Variants in CLCN5 observed in about 807,000 individuals in gnomAD.
The protein encoded by CLCN5 is Cl-/H+ antiporter 5, also known as H(+)/Cl(-) exchange transporter 5.
Under a neutral mutation model 54.0 loss-of-function variants are expected in CLCN5, and 17 were observed. That is an observed-to-expected ratio of 0.31 (90% CI 0.22 to 0.47). The LOEUF (loss-of-function observed/expected upper bound fraction) is 0.47, where lower values mean the gene tolerates loss of function less well. Ranked by LOEUF, CLCN5 falls within the 20% of genes least tolerant of loss-of-function variation. CLCN5 has a pLI of 1.00. For missense variants in CLCN5, 448 were observed against 646.7 expected, an observed-to-expected ratio of 0.69 and a Z score of 3.33; for synonymous variants, 222 against 233.0, an observed-to-expected ratio of 0.95 and a Z score of 0.43.
At chrX:49,945,217 G>T (rs1320697772) in intron 3 of CLCN5, 3 of 111,292 alleles carry the variant, frequency 2.7e-5, no homozygotes, top group Non-Finnish European at 3.8e-5. Context: ...TTTTTGTTTT[G>T]TACATTATAC....
At chrX:50,036,618 T>G (rs1932010348) in intron 3 of CLCN5, among the ~76,000 whole-genome samples, 1 of 112,213 alleles carries the variant, frequency 8.9e-6, no homozygotes, top group Admixed American at 9.5e-5. Context: ...ACAGGACACA[T>G]TCCAAAGCCA....
chrX:50,034,990 A>C (rs112423779), intron 3 of CLCN5, among the ~76,000 whole-genome samples: 8,182 of 111,044 alleles, frequency 0.074, 748 homozygotes, highest in African/African-American at 0.26. Flanking sequence ...CCATTGACTT[A>C]CCAGGTCCTT....
At chrX:49,942,513 C>T (rs1165203706) in intron 3 of CLCN5, among the ~76,000 whole-genome samples, 1 of 108,765 alleles carries the variant, frequency 9.2e-6, no homozygotes, top group Non-Finnish European at 1.9e-5. Flanking sequence ...ATTAACTCAT[C>T]ATTTACATTA....
rs782274475 is a variant in CLCN5 at position 50,058,092 on chromosome X, G to C, written c.164-11787G>C. Among the ~76,000 whole-genome samples the C allele has an allele frequency of 1.5e-4, 17 of 111,878 alleles. No homozygotes were observed. In the East Asian group the frequency reaches 4.8e-3, roughly 32 times the overall value. The stretch of plus-strand genomic sequence containing the variant: ...TGAATTTTTTGTACATTTGGTTCCA[G>C]CCTTGCAAAAATACAATATATCGCT... On this transcript the variant is annotated intron_variant, in intron 4 of 14. Coordinates refer to ENST00000376091, the MANE Select transcript of CLCN5 (RefSeq NM_001127898.4).
At chrX:49,946,096 A>G (rs1926726231) in intron 3 of CLCN5, among the ~76,000 whole-genome samples, 1 of 112,058 alleles carries the variant, frequency 8.9e-6, no homozygotes, top group South Asian at 3.7e-4. Flanking sequence ...CTTTACTTAA[A>G]TATCAATGTA....
At chrX:49,973,830 A>G (rs1317947750) in intron 3 of CLCN5, among the ~76,000 whole-genome samples, 1 of 111,220 alleles carries the variant, frequency 9.0e-6, no homozygotes, top group African/African-American at 3.3e-5. Context: ...TAACCCCATC[A>G]TAAGTTGAGG....
intron 4 of CLCN5, among the ~76,000 whole-genome samples, chrX:50,060,313 G>C (rs951971193): frequency 9.0e-6 from 1 of 110,983 alleles, no homozygotes; most frequent in African/African-American, 3.3e-5. Flanking sequence ...CCGTGCGCGA[G>C]CTGAAGCAGG....
Position 50,098,656 on chromosome X carries a change from A to G in CLCN5, c.*6437A>G, listed in dbSNP as rs1483440025. On this transcript the variant is annotated 3_prime_UTR_variant, in exon 15 of 15. Transcript: ENST00000376091. The stretch of plus-strand genomic sequence containing the variant: ...GAAAGTAGCTTCAACCAAAGCTAAT[A>G]GAGCCCAAGTTTCCGCAGGAAGTTT... The G allele has an allele frequency of 1.8e-5, 2 of 113,202 alleles. No individual in the cohort carries two copies. Among genetic ancestry groups the G allele is most frequent in the African/African-American group, 3.2e-5 (1 of 31,091 alleles). The allele number at this position is 113,202 out of a possible 1,213,427, so 9.3% of individuals were successfully genotyped here.
At position 50,088,232 on chromosome X, in the gene CLCN5, G is replaced by A. The variant is rs191608661; in HGVS notation, c.1558-466G>A. On this transcript the variant is annotated intron_variant, in intron 11 of 14. Transcript: ENST00000376091. ...TGAACCTTAGGTTCTTTGGCATTTG[G>A]GAATAATAATGCCTGCCTCCTGGGG... Among the ~76,000 whole-genome samples the A allele has an allele frequency of 2.7e-5, 3 of 111,872 alleles. No homozygotes were observed. The East Asian group carries it at 8.4e-4, about 31-fold the overall frequency.
chrX:50,043,911 G>T (rs896532266), intron 4 of CLCN5, among the ~76,000 whole-genome samples: 4 of 111,653 alleles, frequency 3.6e-5, no homozygotes, highest in Non-Finnish European at 7.5e-5. Flanking sequence ...CATTGTAAAA[G>T]TAGACAGAGG....
At chrX:49,961,767 C>G (rs1927606783) in intron 3 of CLCN5, among the ~76,000 whole-genome samples, 1 of 111,300 alleles carries the variant, frequency 9.0e-6, no homozygotes, top group Non-Finnish European at 1.9e-5. Flanking sequence ...TTTTCTTTGT[C>G]ACAGTTGGTG....
At chrX:49,978,879 G>T (rs1753154066) in intron 3 of CLCN5, among the ~76,000 whole-genome samples, 1 of 111,507 alleles carries the variant, frequency 9.0e-6, no homozygotes, top group Non-Finnish European at 1.9e-5. Context: ...AACAAAGTAT[G>T]TGTGGAAGGG....
intron 3 of CLCN5, among the ~76,000 whole-genome samples, chrX:49,960,466 C>T (rs1927542494): frequency 1.8e-5 from 2 of 108,888 alleles, no homozygotes; most frequent in African/African-American, 6.7e-5. Context: ...CCACACCCCT[C>T]AGGCCTCCTA....
intron 3 of CLCN5, among the ~76,000 whole-genome samples, chrX:50,037,960 C>T (rs1199908972): frequency 9.0e-6 from 1 of 111,180 alleles, no homozygotes; most frequent in Non-Finnish European, 1.9e-5. Flanking sequence ...AAATACCACC[C>T]CCAACTAAAA....
intron 3 of CLCN5, among the ~76,000 whole-genome samples, chrX:50,019,468 CTTTTT>C (rs1175073117): frequency 2.1e-5 from 1 of 47,690 alleles, no homozygotes; most frequent in Non-Finnish European, 3.7e-5. Context: ...TTTTTTTTTT[CTTTTT>C]TTTTTTTTTT....
chrX:50,009,056 G>T, intron 3 of CLCN5: 1 of 344,128 alleles, frequency 2.9e-6, no homozygotes. Flanking sequence ...ACATGTAGAA[G>T]GACCAACAAC....
intron 3 of CLCN5, among the ~76,000 whole-genome samples, chrX:50,033,723 C>G (rs1931848065): frequency 9.0e-6 from 1 of 111,564 alleles, no homozygotes; most frequent in Admixed American, 9.6e-5. Flanking sequence ...CAATCCTAAG[C>G]CAAAAGAACA....
At chrX:49,992,553 G>A (rs1264965905) in intron 3 of CLCN5, among the ~76,000 whole-genome samples, 1 of 111,560 alleles carries the variant, frequency 9.0e-6, no homozygotes, top group Non-Finnish European at 1.9e-5. Flanking sequence ...CTTAAATATT[G>A]TACTTACAGT....
chrX:50,019,468 C>CTTTTTTTTTTTTTTT (rs1175073117), intron 3 of CLCN5, among the ~76,000 whole-genome samples: 54 of 47,690 alleles, frequency 1.1e-3, no homozygotes, highest in African/African-American at 1.7e-3. Flanking sequence ...TTTTTTTTTT[C>CTTTTTTTTTTTTTTT]TTTTTTTTTT....
Sources: allele counts gnomAD v4.1 joint callset (sites outside exome capture counted in the v4.1 genomes callset), GRCh38; gene constraint gnomAD v4.1.1; transcripts MANE v1.5; gene names NCBI Gene and HGNC (gene_info 2026-07-23, HGNC 2026-07-21).